The following TBC1D5 variants were observed in gnomAD, a reference collection of about 807,000 sequenced individuals.
The protein encoded by TBC1D5 is TBC1 domain family, member 5.
TBC1D5 carries 75 observed loss-of-function variants against 100.3 expected under a neutral mutation model. The observed-to-expected ratio is 0.75, with a 90% CI of 0.62 to 0.91. The LOEUF (loss-of-function observed/expected upper bound fraction) is 0.91, where lower values mean the gene tolerates loss of function less well. Ranked by LOEUF, TBC1D5 falls within the 40% of genes least tolerant of loss-of-function variation. TBC1D5 has a pLI of 0.00. For synonymous variants in TBC1D5, 323 were observed against 325.6 expected (o/e 0.99, Z 0.09); for missense variants, 910 against 942.4 (o/e 0.97, Z 0.45).
intron 14 of TBC1D5, among the ~76,000 whole-genome samples, chr3:17,293,866 T>C (rs956098752): frequency 1.3e-5 from 2 of 152,252 alleles, no homozygotes; most frequent in African/African-American, 4.8e-5. Flanking sequence ...TTTACCTACA[T>C]TATCTCAATT....
At chr3:17,654,155 CACTT>C (rs1267585487) in intron 1 of TBC1D5, among the ~76,000 whole-genome samples, 1 of 152,048 alleles carries the variant, frequency 6.6e-6, no homozygotes, top group Non-Finnish European at 1.5e-5. Flanking sequence ...CAAAACAAAA[CACTT>C]ATAATTCCTA....
chr3:17,534,595 C>T (rs933241176), intron 2 of TBC1D5, among the ~76,000 whole-genome samples: 1 of 152,150 alleles, frequency 6.6e-6, no homozygotes, highest in Admixed American at 6.5e-5. Flanking sequence ...ATAACACCTC[C>T]ACTTCTCTCC....
chr3:17,288,120 G>C (rs1263988939), intron 15 of TBC1D5, among the ~76,000 whole-genome samples: 1 of 152,150 alleles, frequency 6.6e-6, no homozygotes, highest in East Asian at 1.9e-4. Context: ...AATTTTTAGA[G>C]GCTATAGGCA....
intron 3 of TBC1D5, among the ~76,000 whole-genome samples, chr3:17,438,590 C>G (rs2094580184): frequency 6.6e-6 from 1 of 152,208 alleles, no homozygotes; most frequent in South Asian, 2.1e-4. Context: ...TTGTAAGTTT[C>G]CTGAGGCCTC....
chr3:17,467,003 A>G (rs561666918), intron 3 of TBC1D5, among the ~76,000 whole-genome samples: 5 of 152,242 alleles, frequency 3.3e-5, no homozygotes, highest in East Asian at 1.9e-4. Flanking sequence ...TAAAAATGAA[A>G]ACATACAAAG....
At chr3:17,292,285 C>T (rs150969183) in intron 14 of TBC1D5, among the ~76,000 whole-genome samples, 233 of 152,240 alleles carry the variant, frequency 1.5e-3, no homozygotes, top group Non-Finnish European at 2.0e-3. Context: ...TTCTCAGAAC[C>T]GTGCATATTT....
chr3:17,638,212 T>C (rs2064144980), intron 1 of TBC1D5, among the ~76,000 whole-genome samples: 1 of 152,120 alleles, frequency 6.6e-6, no homozygotes, highest in African/African-American at 2.4e-5. Flanking sequence ...ATAATTCAAT[T>C]GATTATAGTA....
chr3:17,679,586 T>C (rs1399073766), intron 1 of TBC1D5, among the ~76,000 whole-genome samples: 1 of 151,452 alleles, frequency 6.6e-6, no homozygotes, highest in Non-Finnish European at 1.5e-5. Flanking sequence ...AGTAACTGTA[T>C]TACTGAACTG....
chr3:17,668,514 G>A (rs1056035182), intron 1 of TBC1D5, among the ~76,000 whole-genome samples: 1 of 151,938 alleles, frequency 6.6e-6, no homozygotes, highest in African/African-American at 2.4e-5. Flanking sequence ...CATTTAGTCT[G>A]TTAACTACCC....
chr3:17,314,998 G>C (rs1279135781), intron 13 of TBC1D5, among the ~76,000 whole-genome samples: 2 of 152,218 alleles, frequency 1.3e-5, no homozygotes, highest in African/African-American at 4.8e-5. Flanking sequence ...GTCAATACAG[G>C]CATCTGCCAC....
chr3:17,277,711 T>A (rs1265629462), intron 15 of TBC1D5, among the ~76,000 whole-genome samples: 1 of 152,074 alleles, frequency 6.6e-6, no homozygotes, highest in Non-Finnish European at 1.5e-5. Context: ...AGAAATAGTG[T>A]GTGGGAGTAA....
At chr3:17,446,057 C>T (rs1403707069) in intron 3 of TBC1D5, among the ~76,000 whole-genome samples, 1 of 152,112 alleles carries the variant, frequency 6.6e-6, no homozygotes, top group Non-Finnish European at 1.5e-5. Context: ...TAAAATAATA[C>T]AGAGTTCAAA....
intron 3 of TBC1D5, among the ~76,000 whole-genome samples, chr3:17,500,511 C>T (rs2095772664): frequency 6.7e-6 from 1 of 149,634 alleles, no homozygotes. Context: ...CCTCCATCCA[C>T]TCAAATGAGT....
intron 3 of TBC1D5, among the ~76,000 whole-genome samples, chr3:17,467,525 T>C (rs1177006099): frequency 6.6e-6 from 1 of 151,894 alleles, no homozygotes; most frequent in African/African-American, 2.4e-5. Context: ...AAGTTACATT[T>C]ACTCAAAACT....
intron 16 of TBC1D5, among the ~76,000 whole-genome samples, chr3:17,253,433 T>C (rs371885656): frequency 2.6e-5 from 4 of 152,314 alleles, no homozygotes; most frequent in Middle Eastern, 3.4e-3. Flanking sequence ...AACAGTAACA[T>C]TGTCTCCTAT....
chr3:17,668,141 A>G (rs2067492972), intron 1 of TBC1D5, among the ~76,000 whole-genome samples: 1 of 148,388 alleles, frequency 6.7e-6, no homozygotes. Flanking sequence ...ATATAAAGGC[A>G]TTTCACTTAA....
chr3:17,492,809 T>C (rs1282262745), intron 3 of TBC1D5, among the ~76,000 whole-genome samples: 1 of 152,234 alleles, frequency 6.6e-6, no homozygotes, highest in Non-Finnish European at 1.5e-5. Context: ...CTCATTAGTT[T>C]CAAAGAACTT....
At chr3:17,586,359 G>A (rs1360002807) in intron 2 of TBC1D5, 1 of 151,960 alleles carries the variant, frequency 6.6e-6, no homozygotes, top group Non-Finnish European at 1.5e-5. Context: ...TTACCTTGTG[G>A]GAGAACTTTA....
At chr3:17,344,773 A>G (rs2089608361) in intron 13 of TBC1D5, among the ~76,000 whole-genome samples, 1 of 152,178 alleles carries the variant, frequency 6.6e-6, no homozygotes, top group Non-Finnish European at 1.5e-5. Flanking sequence ...CATATCTACA[A>G]CTATCTGATC....
Sources: allele counts gnomAD v4.1 joint callset (sites outside exome capture counted in the v4.1 genomes callset), GRCh38; gene constraint gnomAD v4.1.1; transcripts MANE v1.5; gene names NCBI Gene and HGNC (gene_info 2026-07-23, HGNC 2026-07-21).